NOTCH2NLA: variants seen among roughly 807,000 people sequenced by gnomAD.
NOTCH2NLA encodes notch homolog 2 N-terminal-like protein A.
chr1:146,228,760 G>A lies in NOTCH2NLA; in HGVS notation c.-96C>T, dbSNP rs782067504. Reference sequence around the variant, plus strand: ...CAGAGCGCCAGCAGCGCCCACAGCAGAGCGGGGCGCAGGGCGGGTATCTTC... The same window carrying A: ...CAGAGCGCCAGCAGCGCCCACAGCAAAGCGGGGCGCAGGGCGGGTATCTTC... On this transcript the variant is annotated 5_prime_UTR_variant, in exon 1 of 5. Coordinates refer to ENST00000362074, the Ensembl canonical transcript of NOTCH2NLA. 7 of 1,573,276 alleles carry A rather than the reference G, an allele frequency of 4.4e-6. No homozygotes were observed. The South Asian group carries it at 5.7e-5, about 13-fold the overall frequency.
In NOTCH2NLA at chr1:146,159,395, GAAAGAA is replaced by G. The variant is rs1482879678; in HGVS notation, c.299-2586_299-2581del. 8.3e-5 allele frequency among the ~76,000 whole-genome samples: 7 copies of G among 84,072 alleles called. No individual in the cohort carries two copies. In the East Asian group the frequency reaches 2.0e-3, roughly 25 times the overall value. 55.2% of individuals were successfully genotyped at this position (84,072 alleles called of 152,430 possible). ...AGAGAGAGGAAGAGAGAAAGAGAGA[GAAAGAA>G]AGAAAGAAAGAAAGAAAGAAAGAAA... On this transcript the variant is annotated intron_variant, in intron 3 of 4. Transcript: ENST00000362074.
chr1:146,226,169 TCCA>T (rs1664226285), intron 1 of NOTCH2NLA, among the ~76,000 whole-genome samples: 1 of 148,814 alleles, frequency 6.7e-6, no homozygotes, highest in Non-Finnish European at 1.5e-5. Context: ...CCTCCTCCTC[TCCA>T]CCACACCAAA....
At chr1:146,228,482 A>C (rs1664317491) in intron 1 of NOTCH2NLA, 1 of 493,916 alleles carries the variant, frequency 2.0e-6, no homozygotes, top group African/African-American at 2.3e-5. Flanking sequence ...CGGGGAGCAG[A>C]GGCGGCGGGG....
At chr1:146,180,391 CTT>C (rs1232326981) in intron 2 of NOTCH2NLA, among the ~76,000 whole-genome samples, 1 of 141,760 alleles carries the variant, frequency 7.1e-6, no homozygotes, top group Non-Finnish European at 1.6e-5. Flanking sequence ...TCATAAAACT[CTT>C]TTCATAAAGA....
intron 2 of NOTCH2NLA, among the ~76,000 whole-genome samples, chr1:146,173,032 T>C (rs868929647): frequency 8.6e-5 from 13 of 151,110 alleles, no homozygotes; most frequent in Non-Finnish European, 1.3e-4. Context: ...TATAGAATTA[T>C]CCTTCACACC....
At chr1:146,171,546 C>A (rs1422934156) in intron 2 of NOTCH2NLA, among the ~76,000 whole-genome samples, 1 of 106,896 alleles carries the variant, frequency 9.4e-6, no homozygotes, top group Non-Finnish European at 2.2e-5. Context: ...CACTGGATGA[C>A]TCCAGTTCAT....
chr1:146,162,356 G>A (rs1489462518), intron 3 of NOTCH2NLA, among the ~76,000 whole-genome samples: 52 of 150,718 alleles, frequency 3.5e-4, no homozygotes, highest in African/African-American at 1.2e-3. Context: ...CTCAGGAGAT[G>A]TGTACGGGTT....
Position 146,187,348 on chromosome 1 carries a change from T to C in NOTCH2NLA, c.38+1952A>G, listed in dbSNP as rs1198490855. ...GTGCTGAAGTAAACACACATGTGCA[T>C]GTGTCCTTATAGTAGAATGATTTAT... On this transcript the variant is annotated intron_variant, in intron 2 of 4. Coordinates refer to ENST00000362074, the Ensembl canonical transcript of NOTCH2NLA. Among the ~76,000 whole-genome samples, 44 of 133,522 alleles carry C rather than the reference T, an allele frequency of 3.3e-4. 4 individuals are homozygous for C. Among genetic ancestry groups the C allele is most frequent in the African/African-American group, 1.0e-3 (40 of 39,536 alleles). The allele number at this position is 133,522 out of a possible 152,430, so 87.6% of individuals were successfully genotyped here.
At position 146,174,584 on chromosome 1, in the gene NOTCH2NLA, A is replaced by G. The variant is rs1191712493; in HGVS notation, c.39-9574T>C. On this transcript the variant is annotated intron_variant, in intron 2 of 4. Transcript: ENST00000362074. ...AGAATGTGGAACGAAGGGGAAAAAA[A>G]AGTCTCATGTGGGTTGCGTCGGCAC... Among the ~76,000 whole-genome samples, 5 of 141,922 alleles carry G rather than the reference A, an allele frequency of 3.5e-5. No individual in the cohort carries two copies. In the East Asian group the frequency reaches 9.8e-4, roughly 28 times the overall value. The allele number at this position is 141,922 out of a possible 152,430, so 93.1% of individuals were successfully genotyped here. A position where few individuals can be genotyped will look rare whatever the true frequency, so the allele number is the denominator to read the frequency against.
rs797043331 is a variant in NOTCH2NLA, at chr1:146,159,985, A to T, written c.299-3170T>A. 3.3e-3 allele frequency among the ~76,000 whole-genome samples: 457 copies of T among 138,848 alleles called. 2 individuals are homozygous for T. The highest frequency in any genetic ancestry group is 0.011 in the African/African-American group (438 of 38,672). The allele number at this position is 138,848 out of a possible 152,430, so 91.1% of individuals were successfully genotyped here. On this transcript the variant is annotated intron_variant, in intron 3 of 4. Coordinates refer to ENST00000362074, the Ensembl canonical transcript of NOTCH2NLA. ...CCATCTCAAAAAAAAAAAAAAAAAA[A>T]AAAAAAAAAAGGTGATCAGAATCTT...
chr1:146,198,958 A>AT lies in NOTCH2NLA; in HGVS notation c.-44-9578dup, dbSNP rs1197892994. 6.3e-5 allele frequency among the ~76,000 whole-genome samples: 2 copies of AT among 31,522 alleles called. 1 individual carries two copies. The highest frequency in any genetic ancestry group is 1.4e-4 in the Non-Finnish European group (2 of 14,182). 20.7% of individuals were successfully genotyped at this position (31,522 alleles called of 152,430 possible). On this transcript the variant is annotated intron_variant, in intron 1 of 4. Coordinates refer to ENST00000362074, the Ensembl canonical transcript of NOTCH2NLA. ...AGGTGCCCGCCACCACATCCGGCTA[A>AT]TTTTTTTTGTATTTTTAGTAGAGAC...
chr1:146,175,439 T>TA (rs59420065), intron 2 of NOTCH2NLA, among the ~76,000 whole-genome samples: 3 of 121,102 alleles, frequency 2.5e-5, no homozygotes, highest in Admixed American at 9.1e-5. Context: ...AAAAGAACTT[T>TA]AAAAAAAAGT....
chr1:146,177,912 G>T (rs1571296073), intron 2 of NOTCH2NLA, among the ~76,000 whole-genome samples: 2 of 138,516 alleles, frequency 1.4e-5, no homozygotes, highest in South Asian at 2.2e-4. Context: ...CCAAGCAGGG[G>T]ATCCTAGGGT....
At chr1:146,170,813 A>G (rs1427007908) in intron 2 of NOTCH2NLA, among the ~76,000 whole-genome samples, 1 of 115,628 alleles carries the variant, frequency 8.6e-6, no homozygotes, top group African/African-American at 2.9e-5. Flanking sequence ...ATCTGAAGAT[A>G]GTTATGTGGG....
chr1:146,219,855 TA>T (rs199876860), intron 1 of NOTCH2NLA, among the ~76,000 whole-genome samples: 8 of 86,386 alleles, frequency 9.3e-5, no homozygotes, highest in African/African-American at 4.7e-4. Flanking sequence ...AATCTAAGGG[TA>T]AAAAAACCAA....
At chr1:146,224,490 CAAAG>C (rs1455384679) in intron 1 of NOTCH2NLA, among the ~76,000 whole-genome samples, 2 of 8,884 alleles carry the variant, frequency 2.3e-4, no homozygotes, top group African/African-American at 1.1e-3. Context: ...ACCCCACACA[CAAAG>C]AAATTCAAAA....
rs1553810119 is a variant in NOTCH2NLA at position 146,185,806 on chromosome 1, G to A, written c.38+3494C>T. Among the ~76,000 whole-genome samples the A allele has an allele frequency of 1.5e-5, 2 of 134,098 alleles. 1 individual carries two copies. Among genetic ancestry groups the A allele is most frequent in the Non-Finnish European group, 3.4e-5 (2 of 58,160 alleles). The allele number at this position is 134,098 out of a possible 152,430, so 88.0% of individuals were successfully genotyped here. On this transcript the variant is annotated intron_variant, in intron 2 of 4. Transcript: ENST00000362074. The stretch of plus-strand genomic sequence containing the variant: ...TCTTTTCTTAATCCACTAAGCAATC[G>A]CATGAATAAAAAGATAATCACATGC...
At chr1:146,158,368 A>G (rs1315594735) in intron 3 of NOTCH2NLA, among the ~76,000 whole-genome samples, 13 of 147,902 alleles carry the variant, frequency 8.8e-5, no homozygotes, top group Admixed American at 8.8e-4. Context: ...TCCTGTGTCC[A>G]AGTGTTCTCA....
At chr1:146,172,437 G>C (rs587676124) in intron 2 of NOTCH2NLA, among the ~76,000 whole-genome samples, 55 of 150,088 alleles carry the variant, frequency 3.7e-4, no homozygotes, top group Admixed American at 1.8e-3. Flanking sequence ...TGATCTGCTT[G>C]TCTGTCCCAT....
Sources: gnomAD v4.1 joint callset for allele counts (sites outside exome capture counted in the v4.1 genomes callset) on GRCh38, gnomAD v4.1.1 for gene constraint, MANE v1.5 for transcripts, NCBI Gene and HGNC (gene_info 2026-07-23, HGNC 2026-07-21) for gene names.